The following OR2V1 variants were observed in gnomAD, a reference collection of about 807,000 sequenced individuals.
OR2V1 encodes the protein olfactory receptor 2V1.
A neutral mutation model predicts 15.0 loss-of-function variants in OR2V1; 18 were observed. The observed-to-expected ratio is 1.20, with a 90% confidence interval of 0.83 to 1.78. The LOEUF (loss-of-function observed/expected upper bound fraction) is 1.78, where lower values mean the gene tolerates loss of function less well. Among genes scored for constraint, OR2V1 ranks in the 40% most tolerant of loss-of-function variants. The pLI is 0.00. For missense variants in OR2V1, 359 were observed against 392.9 expected (o/e 0.91, Z 0.73); for synonymous variants, 144 against 146.1 (o/e 0.99, Z 0.10).
chr5:181,125,740 C>A (rs192672817), intron 3 of OR2V1, among the ~76,000 whole-genome samples: 1 of 152,236 alleles, frequency 6.6e-6, no homozygotes, highest in Non-Finnish European at 1.5e-5. Context: ...AATCCCAGCA[C>A]TCTGGGATGC....
intron 3 of OR2V1, among the ~76,000 whole-genome samples, chr5:181,128,197 C>T (rs1582186029): frequency 1.3e-4 from 3 of 22,728 alleles, no homozygotes; most frequent in Non-Finnish European, 2.7e-4. Context: ...TCTCCTCACA[C>T]ACACACACAC....
Position 181,124,971 on chromosome 5 carries a change from C to T in OR2V1, c.334G>A (p.Glu112Lys). Reference sequence around the variant, plus strand: ...GCCATGAGTCCCAGCAAGAGCCCCTCAGATCCCACAAGAGAGACAAAAAAG... The same window carrying T: ...GCCATGAGTCCCAGCAAGAGCCCCTTAGATCCCACAAGAGAGACAAAAAAG... ...IGFFVSLVGS[E>K]GLLLGLMAYD... Residue 112 changes from glutamate (E) to lysine (K), a missense_variant, in exon 4 of 4, where the codon GAG becomes AAG. By Grantham distance (56) the Glu-to-Lys change is moderately conservative. Coordinates refer to ENST00000641551, the MANE Select transcript of OR2V1 (RefSeq NM_001258283.2). 2 of 1,614,122 alleles carry T rather than the reference C, an allele frequency of 1.2e-6. No individual in the cohort carries two copies. The highest frequency in any genetic ancestry group is 1.7e-6 in the Non-Finnish European group (2 of 1,180,048).
In OR2V1 at chr5:181,125,147, T is replaced by G. The variant is rs750548525; in HGVS notation, c.158A>C (p.Asp53Ala). The G allele has an allele frequency of 6.2e-6, 10 of 1,613,920 alleles. No homozygotes were observed. The highest frequency in any genetic ancestry group is 8.5e-6 in the Non-Finnish European group (10 of 1,180,032). Reference sequence around the variant, plus strand: ...GTACATGGGGGTGTGAAGTCCAGCGTCCAGGTAGATGAGGAAGATGAGGAG... The same window carrying G: ...GTACATGGGGGTGTGAAGTCCAGCGGCCAGGTAGATGAGGAAGATGAGGAG... ...NVLLIFLIYL[D>A]AGLHTPMYFF... Residue 53 changes from aspartate to alanine, a missense_variant, in exon 4 of 4, where the codon GAC (aspartate) becomes GCC (alanine). Coordinates refer to ENST00000641551, the MANE Select transcript of OR2V1 (RefSeq NM_001258283.2).
intron 3 of OR2V1, among the ~76,000 whole-genome samples, chr5:181,126,883 G>A (rs960489708): frequency 1.3e-5 from 2 of 152,244 alleles, no homozygotes; most frequent in African/African-American, 2.4e-5. Context: ...TCCCTTGCTC[G>A]CAGAGCTTCC....
In OR2V1 at chr5:181,124,385, T is replaced by G; in HGVS notation, c.920A>C (p.Asp307Ala). The G allele has an allele frequency of 6.2e-7, 1 of 1,603,272 alleles. No individual in the cohort carries two copies. The highest frequency in any genetic ancestry group is 8.5e-7 in the Non-Finnish European group (1 of 1,174,048). Residue 307 changes from aspartate (D) to alanine (A), a missense_variant, in exon 4 of 4, where the codon GAC becomes GCC. Transcript: ENST00000641551. ...EVMGALRKGL[D>A]RCRIGSQH ...GTGCTGGCTGCCAATCCTGCAGCGG[T>G]CCAGCCCCTTCCTCAGTGCCCCCAT...
rs1762955951 is a variant in OR2V1 at position 181,131,074 on chromosome 5, G to C, written c.-145C>G. The C allele has an allele frequency of 6.6e-6, 1 of 152,346 alleles. No individual in the cohort carries two copies. Among genetic ancestry groups the C allele is most frequent in the South Asian group, 2.1e-4 (1 of 4,832 alleles). The allele number at this position is 152,346 out of a possible 1,614,324, so 9.4% of individuals were successfully genotyped here. A position where few individuals can be genotyped will look rare whatever the true frequency, so the allele number is the denominator to read the frequency against. ...CCTTCACGAGAGTCGGGTGGAGCCTGGGGGCCTGGTTGGGATCCTCATAAA... is the reference window on the plus strand; with the variant it reads ...CCTTCACGAGAGTCGGGTGGAGCCTCGGGGCCTGGTTGGGATCCTCATAAA... On this transcript the variant is annotated 5_prime_UTR_variant, in exon 1 of 4. Coordinates refer to ENST00000641551, the MANE Select transcript of OR2V1 (RefSeq NM_001258283.2).
chr5:181,124,413 C>G lies in OR2V1; in HGVS notation c.892G>C (p.Val298Leu). The change falls in exon 4 of 4, where the codon GTG (valine) becomes CTG (leucine). Residue 298 changes from valine (V) to leucine (L), a missense_variant. Val to Leu is a conservative substitution (Grantham distance 32). Transcript: ENST00000641551. The stretch of plus-strand genomic sequence containing the variant: ...AGCCCCTTCCTCAGTGCCCCCATCA[C>G]CTCCCCATTCCTCAAGCTGTAAATG... ...PLIYSLRNGE[V>L]MGALRKGLDR... The G allele has an allele frequency of 6.2e-7, 1 of 1,611,762 alleles. No individual in the cohort carries two copies. The highest frequency in any genetic ancestry group is 8.5e-7 in the Non-Finnish European group (1 of 1,178,780).
chr5:181,125,230 G>A lies in OR2V1; in HGVS notation c.75C>T (p.Asp25=). 6.2e-7 allele frequency: 1 copy of A among 1,614,108 alleles called. No individual in the cohort carries two copies. Among genetic ancestry groups the A allele is most frequent in the Non-Finnish European group, 8.5e-7 (1 of 1,180,048 alleles). Residue 25 remains aspartate (D), a synonymous_variant, in exon 4 of 4, where the codon GAC becomes GAT. Coordinates refer to ENST00000641551, the MANE Select transcript of OR2V1 (RefSeq NM_001258283.2). ...LLGIFSHSQT[D]LVLFSAVMVV... is the part of the protein sequence containing the mutation. ...CCATAACTGCAGAGAAGAGGACAAG[G>A]TCAGTCTGGCTGTGGGAAAAGATGC...
intron 3 of OR2V1, among the ~76,000 whole-genome samples, chr5:181,128,374 C>T (rs1762913200): frequency 6.6e-6 from 1 of 152,204 alleles, no homozygotes; most frequent in Admixed American, 6.5e-5. Context: ...CCAGTCTACG[C>T]TGGCACACCC....
At chr5:181,126,006 G>T (rs781159960) in intron 3 of OR2V1, among the ~76,000 whole-genome samples, 3 of 152,064 alleles carry the variant, frequency 2.0e-5, no homozygotes, top group African/African-American at 4.8e-5. Flanking sequence ...AGAAAAAAAA[G>T]GAAAGATCAT....
intron 2 of OR2V1, among the ~76,000 whole-genome samples, chr5:181,129,968 C>T (rs1213344683): frequency 1.3e-5 from 2 of 152,128 alleles, no homozygotes; most frequent in African/African-American, 2.4e-5. Context: ...AGGAAGAGAA[C>T]GAGAAGAAAG....
intron 3 of OR2V1, among the ~76,000 whole-genome samples, chr5:181,129,213 CAG>C (rs1762928502): frequency 6.6e-6 from 1 of 151,882 alleles, no homozygotes. Flanking sequence ...GCCTGGGTGA[CAG>C]AGCGAGCTTT....
At position 181,130,185 on chromosome 5, in the gene OR2V1, C is replaced by G. The variant is rs1204593527; in HGVS notation, c.-90G>C. 2.5e-6 allele frequency: 1 copy of G among 398,726 alleles called. No individual in the cohort carries two copies. Among genetic ancestry groups the G allele is most frequent in the Non-Finnish European group, 4.4e-6 (1 of 226,136 alleles). 24.7% of individuals were successfully genotyped at this position (398,726 alleles called of 1,614,324 possible). ...GACCCTCACTCACCTGTGGGTGGGT[C>G]CCTGCAGGGGAACAAACTCAGCAGA... On this transcript the variant is annotated 5_prime_UTR_variant, in exon 2 of 4. Transcript: ENST00000641551.
At chr5:181,126,391 C>T (rs1762870714) in intron 3 of OR2V1, among the ~76,000 whole-genome samples, 1 of 151,580 alleles carries the variant, frequency 6.6e-6, no homozygotes, top group Admixed American at 6.6e-5. Flanking sequence ...CCAGTTCTTA[C>T]AGTGGCAAGC....
chr5:181,124,632 C>G lies in OR2V1; in HGVS notation c.673G>C (p.Ala225Pro). The G allele has an allele frequency of 6.2e-7, 1 of 1,613,662 alleles. No individual in the cohort carries two copies. The highest frequency in any genetic ancestry group is 1.1e-5 in the South Asian group (1 of 91,066). ...TGAGCAGAGCGTATTCGGAGCACAG[C>G]CCCTAGGATGCAAGCATAGGAGGCC... ...IMASYACILG[A>P]VLRIRSAQAW... The change falls in exon 4 of 4, where the codon GCT becomes CCT. Residue 225 changes from alanine to proline, a missense_variant. Transcript: ENST00000641551.
intron 3 of OR2V1, among the ~76,000 whole-genome samples, chr5:181,126,435 C>T (rs1762871616): frequency 6.6e-6 from 1 of 151,326 alleles, no homozygotes. Flanking sequence ...CACACACACA[C>T]ACACACACAC....
At position 181,124,321 on chromosome 5, in the gene OR2V1, G is replaced by T. The variant is rs780229188; in HGVS notation, c.*36C>A. On this transcript the variant is annotated 3_prime_UTR_variant, in exon 4 of 4. Transcript: ENST00000641551. ...TGAGTGACTTCCCAATGTGACACAG[G>T]CAAGAAGGGGCACAGCAGGCACCAG... is the stretch of plus-strand genomic sequence containing the variant. 6.7e-7 allele frequency: 1 copy of T among 1,486,006 alleles called. No individual in the cohort carries two copies. Among genetic ancestry groups the T allele is most frequent in the Non-Finnish European group, 9.0e-7 (1 of 1,115,968 alleles). The allele number at this position is 1,486,006 out of a possible 1,614,324, so 92.1% of individuals were successfully genotyped here.
In OR2V1 at chr5:181,125,421, G is replaced by T. The variant is rs187658939; in HGVS notation, c.-21-96C>A. On this transcript the variant is annotated intron_variant, in intron 3 of 3. Transcript: ENST00000641551. ...AGCGTATGCTCTGAGAGATGCAGGA[G>T]GACACTCGTATTCCTGTGACACAGG... 3.4e-4 allele frequency: 295 copies of T among 857,728 alleles called. 1 individual carries two copies. The Middle Eastern group carries it at 3.5e-3, about 10-fold the overall frequency. The allele number at this position is 857,728 out of a possible 1,614,324, so 53.1% of individuals were successfully genotyped here. A position where few individuals can be genotyped will look rare whatever the true frequency, so the allele number is the denominator to read the frequency against.
At chr5:181,126,893 C>T (rs59750998) in intron 3 of OR2V1, among the ~76,000 whole-genome samples, 18,404 of 152,226 alleles carry the variant, frequency 0.12, 1,949 homozygotes, top group African/African-American at 0.29. Flanking sequence ...GCAGAGCTTC[C>T]GGGGGTCTCC....
Sources: allele counts gnomAD v4.1 joint callset (sites outside exome capture counted in the v4.1 genomes callset), GRCh38; gene constraint gnomAD v4.1.1; transcripts MANE v1.5; gene names NCBI Gene and HGNC (gene_info 2026-07-23, HGNC 2026-07-21).